Variants in INPP5B observed in about 807,000 individuals in gnomAD.
INPP5B encodes type II inositol 1,4,5-trisphosphate 5-phosphatase.
In INPP5B, 90 loss-of-function variants were observed where a neutral mutation model predicts 118.5. The observed-to-expected ratio is 0.76, with a 90% CI of 0.64 to 0.90. The LOEUF is 0.90. INPP5B is among the 40% of genes least tolerant of loss of function. INPP5B has a pLI of 0.00. For missense variants in INPP5B, 984 were observed against 1,125.6 expected (o/e 0.87, Z 1.80); for synonymous variants, 385 against 418.9 (o/e 0.92, Z 0.99).
chr1:37,872,893 C>T, intron 19 of INPP5B, 37 bp downstream of exon 19: 1 of 1,508,106 alleles, frequency 6.6e-7, no homozygotes, highest in Non-Finnish European at 9.2e-7. Context: ...TTGTCTGCTA[C>T]AAAGTTCTAG....
chr1:37,901,104 C>A (rs1644316664), intron 7 of INPP5B, among the ~76,000 whole-genome samples: 1 of 152,214 alleles, frequency 6.6e-6, no homozygotes, highest in African/African-American at 2.4e-5. Context: ...GCCACCACGC[C>A]CGACCTGATA....
At chr1:37,916,304 G>A (rs1644858299) in intron 7 of INPP5B, among the ~76,000 whole-genome samples, 1 of 151,946 alleles carries the variant, frequency 6.6e-6, no homozygotes, top group African/African-American at 2.4e-5. Context: ...ATCTTGCCCA[G>A]TCTGGTCTCG....
chr1:37,906,753 G>C (rs540808107), intron 7 of INPP5B, among the ~76,000 whole-genome samples: 1 of 151,764 alleles, frequency 6.6e-6, no homozygotes, highest in Admixed American at 6.6e-5. Flanking sequence ...CCAGATACTC[G>C]GGAGGTTGAG....
chr1:37,943,691 T>C, intron 4 of INPP5B, 22 bp from the exon 5 acceptor site: 1 of 1,613,942 alleles, frequency 6.2e-7, no homozygotes, highest in Non-Finnish European at 8.5e-7. Flanking sequence ...GAAATGAGAA[T>C]GCCCTTAGCA....
chr1:37,883,316 T>C (rs1467539225), intron 13 of INPP5B: 1 of 985,344 alleles, frequency 1.0e-6, no homozygotes, highest in Non-Finnish European at 1.2e-6. Context: ...CCTCTGTGTA[T>C]ACTGCAACCC....
At chr1:37,934,332 T>C (rs937082096) in intron 6 of INPP5B, among the ~76,000 whole-genome samples, 1 of 152,130 alleles carries the variant, frequency 6.6e-6, no homozygotes, top group Admixed American at 6.6e-5. Flanking sequence ...TTAGTATTGT[T>C]CAGAAGACCA....
chr1:37,888,559 G>A (rs1036668914), intron 9 of INPP5B, among the ~76,000 whole-genome samples: 2 of 152,156 alleles, frequency 1.3e-5, no homozygotes, highest in African/African-American at 4.8e-5. Flanking sequence ...ACTTCAAATA[G>A]TATAGGCCTA....
At chr1:37,863,032 G>A (rs939311511) in intron 23 of INPP5B, among the ~76,000 whole-genome samples, 2 of 152,126 alleles carry the variant, frequency 1.3e-5, no homozygotes, top group African/African-American at 4.8e-5. Flanking sequence ...CCCAGTGGGG[G>A]CTCGTCCCCA....
At chr1:37,909,045 A>C (rs762409612) in intron 7 of INPP5B, among the ~76,000 whole-genome samples, 11 of 152,168 alleles carry the variant, frequency 7.2e-5, no homozygotes, top group Non-Finnish European at 1.2e-4. Context: ...TACAAACTTG[A>C]CAATGATTCC....
rs556617416 is a variant in INPP5B at position 37,873,820 on chromosome 1, C to T, written c.1951+173G>A. ...GAATGCTTTTGAAACTGAACTCATG[C>T]TCCTCACTATTTTCTATTTTATTCA... On this transcript the variant is annotated intron_variant, in intron 18 of 23. Coordinates refer to ENST00000373024, the MANE Select transcript of INPP5B (RefSeq NM_005540.3). Among the ~76,000 whole-genome samples the T allele has an allele frequency of 3.7e-3, 567 of 152,298 alleles. 7 individuals are homozygous for T. The highest frequency in any genetic ancestry group is 0.013 in the African/African-American group (532 of 41,566).
chr1:37,897,402 T>C (rs1282910733), intron 7 of INPP5B, among the ~76,000 whole-genome samples: 2 of 151,796 alleles, frequency 1.3e-5, no homozygotes, highest in African/African-American at 4.8e-5. Flanking sequence ...AAAATTCTTC[T>C]GCCTTGGGAT....
At chr1:37,866,801 T>G (rs962565628) in intron 20 of INPP5B, among the ~76,000 whole-genome samples, 1 of 152,060 alleles carries the variant, frequency 6.6e-6, no homozygotes, top group Non-Finnish European at 1.5e-5. Flanking sequence ...AGATCCAACA[T>G]TGGAGAAAAT....
intron 2 of INPP5B, 27 bp downstream of exon 2, chr1:37,946,223 CAG>C: frequency 6.3e-7 from 1 of 1,599,706 alleles, no homozygotes. Context: ...AGGGCAGGCT[CAG>C]GGCCGCAGTT....
intron 7 of INPP5B, among the ~76,000 whole-genome samples, chr1:37,909,868 C>T (rs925911187): frequency 2.6e-5 from 4 of 152,194 alleles, no homozygotes; most frequent in South Asian, 2.1e-4. Flanking sequence ...AACTTCAAAA[C>T]GCCTAAACCT....
chr1:37,918,558 T>C (rs1644950104), intron 7 of INPP5B, among the ~76,000 whole-genome samples: 1 of 152,218 alleles, frequency 6.6e-6, no homozygotes, highest in South Asian at 2.1e-4. Flanking sequence ...TTTGAGTGTC[T>C]TCCTGTCTAT....
chr1:37,892,698 T>A (rs1173947928), intron 7 of INPP5B, among the ~76,000 whole-genome samples: 1 of 152,210 alleles, frequency 6.6e-6, no homozygotes, highest in African/African-American at 2.4e-5. Context: ...TACACCTCAA[T>A]GCCTCCAATC....
intron 7 of INPP5B, among the ~76,000 whole-genome samples, chr1:37,897,190 G>A (rs1319507856): frequency 2.0e-5 from 3 of 151,862 alleles, no homozygotes. Context: ...CTACTGGGAA[G>A]TGAGGAGCCC....
chr1:37,877,758 G>A lies in INPP5B; in HGVS notation c.1677+430C>T, dbSNP rs192141669. The stretch of plus-strand genomic sequence containing the variant: ...GCTCATCCATACTATGGAATACTTT[G>A]CAACCTTTAAAAATAATGAGAAGAA... On this transcript the variant is annotated intron_variant, in intron 16 of 23. Transcript: ENST00000373024. Among the ~76,000 whole-genome samples, 8 of 152,118 alleles carry A rather than the reference G, an allele frequency of 5.3e-5. No homozygotes were observed. In the East Asian group the frequency reaches 1.5e-3, roughly 29 times the overall value.
At chr1:37,931,704 G>C (rs568207508) in intron 7 of INPP5B, 2 of 1,540,264 alleles carry the variant, frequency 1.3e-6, no homozygotes, top group Non-Finnish European at 1.7e-6. Flanking sequence ...AGCCGGCGGC[G>C]GCAGACATTT....
Sources: gnomAD v4.1 joint callset for allele counts (sites outside exome capture counted in the v4.1 genomes callset) on GRCh38, gnomAD v4.1.1 for gene constraint, MANE v1.5 for transcripts, NCBI Gene and HGNC (gene_info 2026-07-23, HGNC 2026-07-21) for gene names.